ABCA12: variants seen among roughly 807,000 people sequenced by gnomAD.
ABCA12 encodes ATP binding cassette subfamily A member 12.
A neutral mutation model predicts 293.5 loss-of-function variants in ABCA12; 156 were observed. The ratio of observed to expected loss-of-function variants is 0.53; its 90% CI spans 0.47 to 0.61. ABCA12 has a LOEUF of 0.61. Ranked by LOEUF, ABCA12 falls within the 20% of genes least tolerant of loss-of-function variation. ABCA12 has a pLI of 0.00. For synonymous variants in ABCA12, 1,063 were observed against 1,108.0 expected (o/e 0.96, Z 0.81); for missense variants, 2,797 against 3,090.2 (o/e 0.91, Z 2.25).
chr2:214,944,856 A>C (rs1441615442), intron 49 of ABCA12, 145 bp downstream of exon 49: 3 of 625,054 alleles, frequency 4.8e-6, no homozygotes, highest in Non-Finnish European at 8.4e-6. Flanking sequence ...ATTTGTGTGT[A>C]TATATTTTGT....
At chr2:215,117,490 T>C (rs1202979758) in intron 1 of ABCA12, among the ~76,000 whole-genome samples, 1 of 152,234 alleles carries the variant, frequency 6.6e-6, no homozygotes, top group Non-Finnish European at 1.5e-5. Context: ...CAAAATTGAA[T>C]TATCTAGTAA....
At chr2:214,957,706 C>T (rs1698992369) in intron 41 of ABCA12, among the ~76,000 whole-genome samples, 1 of 152,134 alleles carries the variant, frequency 6.6e-6, no homozygotes, top group Admixed American at 6.6e-5. Flanking sequence ...GTTTGGAGTC[C>T]AGAACAACCA....
rs773757576 is a variant in ABCA12 at position 214,945,044 on chromosome 2, C to T, written c.7300G>A (p.Glu2434Lys). 12 of 1,613,658 alleles carry T rather than the reference C, an allele frequency of 7.4e-6. No individual in the cohort carries two copies. In the African/African-American group the frequency reaches 1.6e-4, roughly 22 times the overall value. The change falls in exon 49 of 53, where the codon GAA becomes AAA. Residue 2434 changes from glutamate to lysine, a missense_variant. This residue lies in a region of ABCA12 where 2,130 missense variants were observed against 2,427.0 expected (regional missense o/e 0.88). Coordinates refer to ENST00000272895, the MANE Select transcript of ABCA12 (RefSeq NM_173076.3). ...SKRHLWKIIS[E>K]EVQNKCSVIL... ...ACGGAACATTTGTTCTGTACTTCTT[C>T]TGAAATGATCTTCCAGAGGTGCCGT...
chr2:215,048,363 A>T (rs1407739031), intron 6 of ABCA12, among the ~76,000 whole-genome samples: 1 of 152,102 alleles, frequency 6.6e-6, no homozygotes, highest in African/African-American at 2.4e-5. Flanking sequence ...AGACATATGC[A>T]CACATATGTT....
intron 2 of ABCA12, among the ~76,000 whole-genome samples, chr2:215,081,498 AG>A (rs1273794950): frequency 1.0e-4 from 14 of 136,044 alleles, no homozygotes; most frequent in African/African-American, 3.1e-4. Flanking sequence ...AAAAAGAAAA[AG>A]AAAAAAGAAA....
At chr2:215,052,624 C>T in intron 4 of ABCA12, 40 bp from the exon 5 acceptor site, 2 of 1,501,864 alleles carry the variant, frequency 1.3e-6, no homozygotes, top group Non-Finnish European at 1.9e-6. Flanking sequence ...TCCACACACA[C>T]ACACACAAAT....
In ABCA12 at chr2:214,978,745, TTCAAAGGGAACAGCAAGTTATATCAGC is replaced by T; in HGVS notation, c.4977+32_4977+58del. The T allele has an allele frequency of 5.1e-6, 8 of 1,561,558 alleles. No homozygotes were observed. In the South Asian group the frequency reaches 8.0e-5, roughly 16 times the overall value. Reference sequence around the variant, plus strand: ...TTTTTAGAAAAATGGCACATATTTCTTCAAAGGGAACAGCAAGTTATATCAGCTTGAAGAAAAAAAAGAAATATTGAG... The same window carrying T: ...TTTTTAGAAAAATGGCACATATTTCTTTGAAGAAAAAAAAGAAATATTGAG... On this transcript the variant is annotated intron_variant, in intron 32 of 52. Coordinates refer to ENST00000272895, the MANE Select transcript of ABCA12 (RefSeq NM_173076.3).
At chr2:215,127,471 C>G (rs1295954571) in intron 1 of ABCA12, among the ~76,000 whole-genome samples, 2 of 152,154 alleles carry the variant, frequency 1.3e-5, no homozygotes, top group African/African-American at 4.8e-5. Context: ...AATTTGGGAG[C>G]TCCAGTGTTA....
At chr2:215,027,710 C>T (rs560928288) in intron 9 of ABCA12, among the ~76,000 whole-genome samples, 167 of 152,180 alleles carry the variant, frequency 1.1e-3, no homozygotes, top group South Asian at 0.01. Context: ...TCTGACTCTC[C>T]GATTCTTCTC....
At chr2:214,981,950 TATTATTATTATTATTA>T (rs1413943488) in intron 30 of ABCA12, among the ~76,000 whole-genome samples, 4 of 126,762 alleles carry the variant, frequency 3.2e-5, no homozygotes, top group African/African-American at 1.0e-4. Flanking sequence ...TTTTTATTAT[TATTATTATTATTATTA>T]TTATTATTAT....
chr2:214,939,821 A>T (rs1330041903), intron 50 of ABCA12, among the ~76,000 whole-genome samples: 1 of 152,190 alleles, frequency 6.6e-6, no homozygotes, highest in Non-Finnish European at 1.5e-5. Flanking sequence ...TTGTATCTTG[A>T]GACTTTGCTG....
chr2:215,041,503 G>T (rs1701100141), intron 7 of ABCA12, among the ~76,000 whole-genome samples: 1 of 148,490 alleles, frequency 6.7e-6, no homozygotes, highest in Middle Eastern at 3.3e-3. Flanking sequence ...AGTGAGCCAA[G>T]ATCGTGCCAC....
chr2:215,123,749 T>C (rs1702858573), intron 1 of ABCA12, among the ~76,000 whole-genome samples: 1 of 152,100 alleles, frequency 6.6e-6, no homozygotes, highest in Non-Finnish European at 1.5e-5. Context: ...TTTTTTGGCT[T>C]GTTTTTTCCT....
At chr2:215,135,254 C>T (rs1189999006) in intron 1 of ABCA12, among the ~76,000 whole-genome samples, 1 of 152,224 alleles carries the variant, frequency 6.6e-6, no homozygotes, top group Non-Finnish European at 1.5e-5. Context: ...CCACTGCGCC[C>T]AGCCCCAGCA....
chr2:215,031,736 C>T, intron 9 of ABCA12, 85 bp downstream of exon 9: 1 of 1,526,964 alleles, frequency 6.5e-7, no homozygotes, highest in Non-Finnish European at 9.0e-7. Context: ...CTTATATACA[C>T]TGATAAGCGA....
chr2:215,013,525 A>G (rs1700421007), intron 15 of ABCA12: 1 of 154,314 alleles, frequency 6.5e-6, no homozygotes, highest in Non-Finnish European at 1.5e-5. Flanking sequence ...TGAAAATCAG[A>G]ACCAACATTT....
Position 215,007,797 on chromosome 2 carries a change from T to C in ABCA12, c.2522A>G (p.Glu841Gly). ...GAAAAGTGGCGACTTATCCATCCAC[T>C]CTTGAGATTTTTCTCTTAATTCCGC... ...QLAELREKSQ[E>G]WMDKSPLFMN... Residue 841 changes from glutamate (E) to glycine (G), a missense_variant, in exon 19 of 53, where the codon GAG (glutamate) becomes GGG (glycine). By Grantham distance (98) the Glu-to-Gly change is moderately conservative. Around this residue, in one of 3 missense-constraint regions of ABCA12, gnomAD observed 2,130 missense variants for 2,427.0 expected, o/e 0.88. Transcript: ENST00000272895. 6.2e-7 allele frequency: 1 copy of C among 1,614,058 alleles called. No homozygotes were observed. The highest frequency in any genetic ancestry group is 8.5e-7 in the Non-Finnish European group (1 of 1,179,958).
At chr2:215,069,002 C>A (rs998270083) in intron 2 of ABCA12, among the ~76,000 whole-genome samples, 1 of 152,114 alleles carries the variant, frequency 6.6e-6, no homozygotes, top group African/African-American at 2.4e-5. Context: ...CTGTAGGCTG[C>A]CTCGGTGACA....
rs750987657 is a variant in ABCA12, at chr2:215,007,782, G to A, written c.2537C>T (p.Ser846Leu). 14 of 1,613,952 alleles carry A rather than the reference G, an allele frequency of 8.7e-6. No individual in the cohort carries two copies. The highest frequency in any genetic ancestry group is 1.7e-5 in the Admixed American group (1 of 60,012). Reference protein sequence around the residue: ...REKSQEWMDKSPLFMNSFHLL... With the variant: ...REKSQEWMDKLPLFMNSFHLL... ...ATGGAAGGAATTCATGAAAAGTGGC[G>A]ACTTATCCATCCACTCTTGAGATTT... Residue 846 changes from serine (S) to leucine (L), a missense_variant, in exon 19 of 53, where the codon TCG becomes TTG. Physicochemically the swap from Ser to Leu is moderately radical, Grantham distance 145 (BLOSUM62 -2). Transcript: ENST00000272895.
Sources: gnomAD v4.1 joint callset for allele counts (sites outside exome capture counted in the v4.1 genomes callset) on GRCh38, gnomAD v4.1.1 for gene constraint, gnomAD v4.1.1 regional missense constraint, MANE v1.5 for transcripts, NCBI Gene and HGNC (gene_info 2026-07-23, HGNC 2026-07-21) for gene names.